The following COP1 variants were observed in gnomAD, a reference collection of about 807,000 sequenced individuals.
COP1 encodes the protein COP1 E3 ubiquitin ligase, also known as E3 ubiquitin-protein ligase COP1.
In COP1, 24 loss-of-function variants were observed where a neutral mutation model predicts 101.3. The ratio of observed to expected loss-of-function variants is 0.24; its 90% confidence interval spans 0.17 to 0.33. COP1 has a LOEUF of 0.33. Among genes scored for constraint, COP1 ranks in the 10% least tolerant of loss-of-function variants. COP1 has a pLI of 1.00. For synonymous variants in COP1, 347 were observed against 341.9 expected (o/e 1.01, Z -0.17); for missense variants, 663 against 906.2 (o/e 0.73, Z 3.45).
chr1:176,180,697 G>A (rs1470487240), intron 2 of COP1, among the ~76,000 whole-genome samples: 1 of 151,984 alleles, frequency 6.6e-6, no homozygotes, highest in Admixed American at 6.6e-5. Flanking sequence ...TTATATCTAT[G>A]TAAACAAGGA....
chr1:176,021,634 T>C (rs1156297001), intron 15 of COP1, among the ~76,000 whole-genome samples: 2 of 152,156 alleles, frequency 1.3e-5, no homozygotes, highest in East Asian at 1.9e-4. Flanking sequence ...TTGATTTATC[T>C]CAAAAATCTG....
At chr1:176,158,716 T>A (rs1693850828) in intron 5 of COP1, among the ~76,000 whole-genome samples, 1 of 137,866 alleles carries the variant, frequency 7.3e-6, no homozygotes, top group African/African-American at 2.7e-5. Flanking sequence ...CTCGGCTCAC[T>A]GCAACCTCTG....
intron 6 of COP1, among the ~76,000 whole-genome samples, chr1:176,143,618 C>A (rs115853259): frequency 6.6e-6 from 1 of 151,904 alleles, no homozygotes; most frequent in Non-Finnish European, 1.5e-5. Context: ...GCAAACCAAA[C>A]CATATAGAAG....
intron 18 of COP1, among the ~76,000 whole-genome samples, chr1:175,966,991 T>C (rs1027614476): frequency 6.6e-6 from 1 of 152,166 alleles, no homozygotes; most frequent in Non-Finnish European, 1.5e-5. Context: ...AAAGGAACAC[T>C]TTCAAAATCA....
At chr1:176,075,083 A>G (rs558215071) in intron 11 of COP1, among the ~76,000 whole-genome samples, 1 of 152,298 alleles carries the variant, frequency 6.6e-6, no homozygotes, top group South Asian at 2.1e-4. Flanking sequence ...TCCAAGTAAC[A>G]CGTCTGGCCT....
intron 11 of COP1, among the ~76,000 whole-genome samples, chr1:176,050,597 C>T (rs1672377165): frequency 6.6e-6 from 1 of 152,106 alleles, no homozygotes; most frequent in South Asian, 2.1e-4. Context: ...CGTTTAGAAA[C>T]TGGCCATTTT....
chr1:176,050,678 T>G (rs1436206878), intron 11 of COP1, among the ~76,000 whole-genome samples: 1 of 152,232 alleles, frequency 6.6e-6, no homozygotes, highest in Non-Finnish European at 1.5e-5. Context: ...TTGATGTTAC[T>G]CAACTTTCTT....
chr1:176,088,817 G>A (rs1572160686), intron 9 of COP1, among the ~76,000 whole-genome samples: 1 of 151,716 alleles, frequency 6.6e-6, no homozygotes, highest in African/African-American at 2.4e-5. Flanking sequence ...CCAACATGGA[G>A]AAACCCCGTC....
At chr1:176,065,563 C>CTT (rs1448398065) in intron 11 of COP1, among the ~76,000 whole-genome samples, 2 of 152,120 alleles carry the variant, frequency 1.3e-5, no homozygotes, top group Admixed American at 6.5e-5. Context: ...CATAAAAATT[C>CTT]TTTTGAGCTG....
At position 176,135,304 on chromosome 1, in the gene COP1, AC is replaced by A. The variant is rs1689628443; in HGVS notation, c.892-219del. On this transcript the variant is annotated intron_variant, in intron 7 of 19. Transcript: ENST00000367669. ...TTTCCATGGTACACAATCTTAAAGA[AC>A]TATAAATTGTTTACTAAATATTGTT... 2.0e-5 allele frequency among the ~76,000 whole-genome samples: 3 copies of A among 152,070 alleles called. No homozygotes were observed. In the South Asian group the frequency reaches 6.2e-4, roughly 31 times the overall value.
intron 14 of COP1, among the ~76,000 whole-genome samples, chr1:176,041,537 C>G (rs1670529852): frequency 6.6e-6 from 1 of 152,002 alleles, no homozygotes; most frequent in Admixed American, 6.6e-5. Context: ...TTAGTAGAGA[C>G]AGGGTTTCAC....
intron 11 of COP1, among the ~76,000 whole-genome samples, chr1:176,046,800 A>G (rs577032831): frequency 6.6e-6 from 1 of 152,182 alleles, no homozygotes; most frequent in South Asian, 2.1e-4. Flanking sequence ...TACTGAAGCA[A>G]TTGGGTGATG....
intron 15 of COP1, among the ~76,000 whole-genome samples, chr1:176,005,060 T>A (rs994800497): frequency 1.1e-4 from 16 of 152,322 alleles, no homozygotes; most frequent in Non-Finnish European, 1.9e-4. Flanking sequence ...GAGATTCAAT[T>A]TCTTCCTGGT....
intron 15 of COP1, among the ~76,000 whole-genome samples, chr1:175,998,675 T>C (rs1169194144): frequency 9.2e-5 from 14 of 152,062 alleles, no homozygotes; most frequent in Non-Finnish European, 2.1e-4. Flanking sequence ...CACAGATAGT[T>C]CATAATGTAC....
chr1:175,954,997 T>C (rs1002622937), intron 18 of COP1, among the ~76,000 whole-genome samples: 2 of 152,128 alleles, frequency 1.3e-5, no homozygotes, highest in Non-Finnish European at 2.9e-5. Context: ...ATGCCTGTGA[T>C]AGCACTCTGG....
At chr1:176,156,389 C>T (rs1306096632) in intron 5 of COP1, among the ~76,000 whole-genome samples, 3 of 151,930 alleles carry the variant, frequency 2.0e-5, no homozygotes, top group Admixed American at 6.6e-5. Context: ...TGATAAAGAA[C>T]AGGAGGGAGA....
intron 14 of COP1, among the ~76,000 whole-genome samples, chr1:176,041,529 A>G (rs2149166351): frequency 6.6e-6 from 1 of 152,094 alleles, no homozygotes; most frequent in East Asian, 1.9e-4. Context: ...TTGTATTTTT[A>G]GTAGAGACAG....
intron 1 of COP1, among the ~76,000 whole-genome samples, chr1:176,187,703 T>G (rs1443359028): frequency 6.6e-6 from 1 of 152,162 alleles, no homozygotes; most frequent in Admixed American, 6.5e-5. Context: ...ATGACATTTA[T>G]ATCATAGAAT....
At chr1:176,136,927 T>A (rs1032370961) in intron 6 of COP1, among the ~76,000 whole-genome samples, 14 of 152,166 alleles carry the variant, frequency 9.2e-5, no homozygotes, top group Middle Eastern at 3.4e-3. Flanking sequence ...TTTTTTTTTT[T>A]AAATAGAGAT....
Sources: gnomAD v4.1 joint callset for allele counts (sites outside exome capture counted in the v4.1 genomes callset) on GRCh38, gnomAD v4.1.1 for gene constraint, MANE v1.5 for transcripts, NCBI Gene and HGNC (gene_info 2026-07-23, HGNC 2026-07-21) for gene names.